Variants in ANKRD37 observed in about 807,000 individuals in gnomAD.
The protein encoded by ANKRD37 is ankyrin repeat domain 37, also known as ankyrin repeat domain-containing protein 37.
ANKRD37 carries 17 observed loss-of-function variants against 19.7 expected under a neutral mutation model. The ratio of observed to expected loss-of-function variants is 0.86; its 90% CI spans 0.59 to 1.29. The LOEUF (loss-of-function observed/expected upper bound fraction) is 1.29. Among genes scored for constraint, ANKRD37 ranks in the 50% most tolerant of loss-of-function variants. The pLI, the probability that ANKRD37 is intolerant of heterozygous loss-of-function variation, is 0.00. For missense variants in ANKRD37, 207 were observed against 190.4 expected (o/e 1.09, Z -0.51); for synonymous variants, 79 against 74.5 (o/e 1.06, Z -0.31).
Position 185,397,143 on chromosome 4 carries a change from C to T in ANKRD37, c.28-7C>T, listed in dbSNP as rs766349305. 4 of 1,613,054 alleles carry T rather than the reference C, an allele frequency of 2.5e-6. No homozygotes were observed. Among genetic ancestry groups the T allele is most frequent in the Admixed American group, 1.7e-5 (1 of 59,982 alleles). ...GGAAGGGTGCTGGATCTGTTCTCTT[C>T]CTGCAGGTGGATGGTCTGAAGCATT... On this transcript the variant is annotated splice_region_variant and splice_polypyrimidine_tract_variant and intron_variant, in intron 1 of 4. Coordinates refer to ENST00000335174, the MANE Select transcript of ANKRD37 (RefSeq NM_181726.4).
Position 185,400,119 on chromosome 4 carries a change from T to C in ANKRD37, c.*102T>C. ...CCATATGTTGTGTCTAATCTCCTTC[T>C]GAGAAGGACGAAAAACTTTCTTCCA... On this transcript the variant is annotated 3_prime_UTR_variant, in exon 5 of 5. Transcript: ENST00000335174. 8.8e-7 allele frequency: 1 copy of C among 1,138,442 alleles called. No homozygotes were observed. The highest frequency in any genetic ancestry group is 1.3e-6 in the Non-Finnish European group (1 of 787,930). 70.5% of individuals were successfully genotyped at this position (1,138,442 alleles called of 1,614,324 possible).
In ANKRD37 at chr4:185,400,129, G is replaced by T; in HGVS notation, c.*112G>T. 2 of 1,031,644 alleles carry T rather than the reference G, an allele frequency of 1.9e-6. No homozygotes were observed. The highest frequency in any genetic ancestry group is 4.9e-5 in the East Asian group (2 of 40,604). 63.9% of individuals were successfully genotyped at this position (1,031,644 alleles called of 1,614,324 possible). ...TGTCTAATCTCCTTCTGAGAAGGAC[G>T]AAAAACTTTCTTCCAAGTGAAGATC... On this transcript the variant is annotated 3_prime_UTR_variant, in exon 5 of 5. Transcript: ENST00000335174.
chr4:185,400,685 A>T (rs1469881782), downstream of ANKRD37: 3 of 398,610 alleles, frequency 7.5e-6, no homozygotes, highest in Non-Finnish European at 1.3e-5. Context: ...CTATGTATGT[A>T]ATTCATCATA....
intron 3 of ANKRD37, 87 bp from the exon 4 acceptor site, chr4:185,399,483 G>A: frequency 6.9e-7 from 1 of 1,446,344 alleles, no homozygotes; most frequent in South Asian, 1.2e-5. Flanking sequence ...ACCAACATTT[G>A]TATGAGCCCA....
At chr4:185,398,800 A>AC in intron 2 of ANKRD37, 137 bp from the exon 3 acceptor site, 4 of 487,392 alleles carry the variant, frequency 8.2e-6, no homozygotes, top group Non-Finnish European at 1.4e-5. Context: ...CTGCCAAAAA[A>AC]AAAAAAAAAA....
In ANKRD37 at chr4:185,400,007, T is replaced by C. The variant is rs189059895; in HGVS notation, c.*-10T>C. On this transcript the variant is annotated splice_polypyrimidine_tract_variant and intron_variant, in intron 4 of 4. Transcript: ENST00000335174. Reference sequence around the variant, plus strand: ...AAAAGTTTTTAATGTTAACGTGTTTTTAAAAACAGATGTCACGTGGGTTAT... The same window carrying C: ...AAAAGTTTTTAATGTTAACGTGTTTCTAAAAACAGATGTCACGTGGGTTAT... The C allele has an allele frequency of 2.6e-4, 423 of 1,602,450 alleles. No individual in the cohort carries two copies. Among genetic ancestry groups the C allele is most frequent in the Middle Eastern group, 6.7e-4 (4 of 6,010 alleles).
rs534464536 is a variant in ANKRD37 at position 185,399,384 on chromosome 4, C to T, written c.273-186C>T. ...CATTCATTCAGAACTGGAATGCCCG[C>T]TCTATGCTGGATTCTGTTAGTTGCT... On this transcript the variant is annotated intron_variant, in intron 3 of 4. Transcript: ENST00000335174. Among the ~76,000 whole-genome samples the T allele has an allele frequency of 5.9e-5, 9 of 152,290 alleles. No individual in the cohort carries two copies. In the East Asian group the frequency reaches 1.3e-3, roughly 23 times the overall value.
intron 3 of ANKRD37, 29 bp downstream of exon 3, chr4:185,399,057 TTA>T (rs746767312): frequency 1.1e-5 from 18 of 1,586,196 alleles, no homozygotes; most frequent in South Asian, 1.1e-4. Flanking sequence ...GCTTCACATT[TTA>T]TGTTTTCTTG....
chr4:185,400,590 C>T, downstream of ANKRD37: 3 of 621,070 alleles, frequency 4.8e-6, no homozygotes, highest in South Asian at 8.2e-5. Context: ...CTCTAAATGG[C>T]TTTATCATTC....
At chr4:185,400,359 C>A (rs901547985), downstream of ANKRD37, 3 of 1,460,206 alleles carry the variant, frequency 2.1e-6, no homozygotes, top group Non-Finnish European at 2.8e-6. Context: ...ATTTATAATA[C>A]CACTCTACTG....
At position 185,398,918 on chromosome 4, in the gene ANKRD37, T is replaced by C; in HGVS notation, c.181-19T>C. 6.2e-7 allele frequency: 1 copy of C among 1,606,460 alleles called. No individual in the cohort carries two copies. The highest frequency in any genetic ancestry group is 1.1e-5 in the South Asian group (1 of 90,750). Reference sequence around the variant, plus strand: ...AAAGTGTTTTTGGGAGACTCTAAAATGCACCATCTTACCTTAAGGATGTTT... The same window carrying C: ...AAAGTGTTTTTGGGAGACTCTAAAACGCACCATCTTACCTTAAGGATGTTT... On this transcript the variant is annotated intron_variant, in intron 2 of 4. Transcript: ENST00000335174.
At chr4:185,400,652 G>T, downstream of ANKRD37, 1 of 439,080 alleles carries the variant, frequency 2.3e-6, no homozygotes, top group Non-Finnish European at 4.1e-6. Context: ...TACCCTTTAA[G>T]GTAGGTTTTT....
In ANKRD37 at chr4:185,400,003, G is replaced by GT. The variant is rs763286978; in HGVS notation, c.*-9dup. Reference sequence around the variant, plus strand: ...AAAAAAAAGTTTTTAATGTTAACGTGTTTTTAAAAACAGATGTCACGTGGG... The same window carrying GT: ...AAAAAAAAGTTTTTAATGTTAACGTGTTTTTTAAAAACAGATGTCACGTGGG... On this transcript the variant is annotated splice_polypyrimidine_tract_variant and intron_variant, in intron 4 of 4. Transcript: ENST00000335174. 1.0e-3 allele frequency: 1,656 copies of GT among 1,602,444 alleles called. 3 individuals carry two copies. Among genetic ancestry groups the GT allele is most frequent in the Non-Finnish European group, 1.3e-3 (1,532 of 1,177,356 alleles).
At position 185,396,897 on chromosome 4, in the gene ANKRD37, A is replaced by T. The variant is rs757111355; in HGVS notation, c.-27A>T. 2 of 1,612,478 alleles carry T rather than the reference A, an allele frequency of 1.2e-6. No homozygotes were observed. Among genetic ancestry groups the T allele is most frequent in the Non-Finnish European group, 1.7e-6 (2 of 1,179,860 alleles). ...GTCTCACCTCTCTGCACTTCCAAGG[A>T]CTCTTGTCATCTGCCTTAGGCGGGA... is the stretch of plus-strand genomic sequence containing the variant. On this transcript the variant is annotated 5_prime_UTR_variant, in exon 1 of 5. Coordinates refer to ENST00000335174, the MANE Select transcript of ANKRD37 (RefSeq NM_181726.4).
In ANKRD37 at chr4:185,400,039, G is replaced by A. The variant is rs767302840; in HGVS notation, c.*22G>A. ...CAGATGTCACGTGGGTTATGAAGAAGTCTGAAGAACGCCTTCATTTCATGC... is the reference window on the plus strand; with the variant it reads ...CAGATGTCACGTGGGTTATGAAGAAATCTGAAGAACGCCTTCATTTCATGC... On this transcript the variant is annotated 3_prime_UTR_variant, in exon 5 of 5. Transcript: ENST00000335174. 6.3e-7 allele frequency: 1 copy of A among 1,588,270 alleles called. No individual in the cohort carries two copies. Among genetic ancestry groups the A allele is most frequent in the Non-Finnish European group, 8.6e-7 (1 of 1,163,756 alleles).
At chr4:185,399,875 A>G in intron 4 of ANKRD37, 102 bp downstream of exon 4, 2 of 1,551,038 alleles carry the variant, frequency 1.3e-6, no homozygotes, top group African/African-American at 2.7e-5. Flanking sequence ...TTCTAGTAGT[A>G]TTGTTTCATT....
At chr4:185,398,826 G>A in intron 2 of ANKRD37, 111 bp from the exon 3 acceptor site, 1 of 684,774 alleles carries the variant, frequency 1.5e-6, no homozygotes, top group Non-Finnish European at 2.5e-6. Context: ...TCCCTGTCCA[G>A]TACAATGCAG....
In ANKRD37 at chr4:185,400,108, T is replaced by A; in HGVS notation, c.*91T>A. The A allele has an allele frequency of 2.4e-6, 3 of 1,238,736 alleles. No homozygotes were observed. Among genetic ancestry groups the A allele is most frequent in the Non-Finnish European group, 3.4e-6 (3 of 871,702 alleles). The allele number at this position is 1,238,736 out of a possible 1,614,324, so 76.7% of individuals were successfully genotyped here. A position where few individuals can be genotyped will look rare whatever the true frequency, so the allele number is the denominator to read the frequency against. ...TTTTGGCTTTACCATATGTTGTGTC[T>A]AATCTCCTTCTGAGAAGGACGAAAA... On this transcript the variant is annotated 3_prime_UTR_variant, in exon 5 of 5. Transcript: ENST00000335174.
Position 185,397,352 on chromosome 4 carries a change from C to A in ANKRD37, c.180+50C>A, listed in dbSNP as rs750685864. 32 of 1,586,048 alleles carry A rather than the reference C, an allele frequency of 2.0e-5. No homozygotes were observed. The South Asian group carries it at 3.5e-4, about 17-fold the overall frequency. On this transcript the variant is annotated intron_variant, in intron 2 of 4. Coordinates refer to ENST00000335174, the MANE Select transcript of ANKRD37 (RefSeq NM_181726.4). ...ACAGCCGTCCCCTCCAACCCAGACA[C>A]ACACAAACATTTCTCAGACGCCAAG...
Sources: allele counts gnomAD v4.1 joint callset (sites outside exome capture counted in the v4.1 genomes callset), GRCh38; gene constraint gnomAD v4.1.1; transcripts MANE v1.5; gene names NCBI Gene and HGNC (gene_info 2026-07-23, HGNC 2026-07-21).